GAS7: variants seen among roughly 807,000 people sequenced by gnomAD.
GAS7 encodes growth arrest specific 7, also known as growth arrest-specific protein 7.
Under a neutral mutation model 71.1 loss-of-function variants are expected in GAS7, and 28 were observed. That is an observed-to-expected ratio of 0.39 (90% CI 0.29 to 0.54). GAS7 has a LOEUF of 0.54. Ranked by LOEUF, GAS7 falls within the 20% of genes least tolerant of loss-of-function variation. The probability of loss-of-function intolerance (pLI) is 0.62; values close to 1 mark genes in which losing one functional copy is unlikely to be tolerated. For synonymous variants in GAS7, 258 were observed against 245.8 expected, an observed-to-expected ratio of 1.05 and a Z score of -0.46; for missense variants, 436 against 627.8, an observed-to-expected ratio of 0.69 and a Z score of 3.27.
chr17:9,926,732 C>T lies in GAS7; in HGVS notation c.923G>A (p.Arg308His), dbSNP rs765099165. The T allele has an allele frequency of 1.1e-5, 18 of 1,613,862 alleles. No homozygotes were observed. The East Asian group carries it at 1.6e-4, about 14-fold the overall frequency. The change falls in exon 10 of 14, where the codon CGT becomes CAT. Residue 308 changes from arginine to histidine, a missense_variant. By Grantham distance (29) the Arg-to-His change is conservative. Coordinates refer to ENST00000432992, the MANE Select transcript of GAS7 (RefSeq NM_201433.2). This position sits in a 1 kb window ranked among gnomAD's most constrained non-coding sequence, Gnocchi z 5.0. ...CTTCATGTCTTTCTTGAAGTTCTCACGGAAGTTCATCAGGGGCTTCTCCAC... is the reference window on the plus strand; with the variant it reads ...CTTCATGTCTTTCTTGAAGTTCTCATGGAAGTTCATCAGGGGCTTCTCCAC... ...SEVEKPLMNF[R>H]ENFKKDMKKC...
intron 1 of GAS7, among the ~76,000 whole-genome samples, chr17:10,130,258 T>C (rs2073986266): frequency 6.7e-6 from 1 of 148,218 alleles, no homozygotes; most frequent in South Asian, 2.1e-4. Context: ...CCAACACCAG[T>C]AGTCTTCAGG....
At chr17:10,189,039 T>C (rs1161715523) in intron 1 of GAS7, among the ~76,000 whole-genome samples, 1 of 152,260 alleles carries the variant, frequency 6.6e-6, no homozygotes, top group Admixed American at 6.5e-5. Flanking sequence ...TTTTAATTTA[T>C]AAAAGCACTT....
At chr17:10,075,170 A>G (rs561736513) in intron 1 of GAS7, among the ~76,000 whole-genome samples, 1 of 152,134 alleles carries the variant, frequency 6.6e-6, no homozygotes, top group African/African-American at 2.4e-5. Context: ...AGCCTGACCA[A>G]CATGGTGAAA....
chr17:9,990,114 A>G (rs1326263731), intron 2 of GAS7, among the ~76,000 whole-genome samples: 3 of 152,008 alleles, frequency 2.0e-5, no homozygotes, highest in African/African-American at 7.2e-5. Flanking sequence ...CTAAAAATAC[A>G]AAAAATTAGC....
intron 2 of GAS7, among the ~76,000 whole-genome samples, chr17:9,992,626 T>C (rs1473291661): frequency 5.3e-5 from 8 of 151,774 alleles, no homozygotes; most frequent in Non-Finnish European, 8.8e-5. Context: ...TATTATACTT[T>C]AAGTTTTAGG....
At chr17:9,973,053 G>T (rs149692833) in intron 3 of GAS7, among the ~76,000 whole-genome samples, 1 of 152,192 alleles carries the variant, frequency 6.6e-6, no homozygotes, top group East Asian at 1.9e-4. Context: ...AAAGAAAACA[G>T]GAGAACGGAA....
intron 1 of GAS7, among the ~76,000 whole-genome samples, chr17:10,044,564 C>T (rs984126039): frequency 1.8e-4 from 27 of 151,990 alleles, no homozygotes; most frequent in Non-Finnish European, 2.8e-4. Flanking sequence ...AAACTAGTAT[C>T]GAATATATTT....
intron 1 of GAS7, among the ~76,000 whole-genome samples, chr17:10,040,595 C>T (rs1001618233): frequency 4.0e-5 from 6 of 148,738 alleles, no homozygotes; most frequent in South Asian, 2.3e-4. Context: ...CTCTCTCCCC[C>T]CTCTCACCCA....
intron 1 of GAS7, among the ~76,000 whole-genome samples, chr17:10,101,108 C>CA (rs3076187): frequency 0.45 from 68,997 of 151,678 alleles, 15,936 homozygotes; most frequent in East Asian, 0.56. Context: ...ATCTCAAAAA[C>CA]AAAAAAAACC....
At chr17:10,128,859 G>A (rs538946120) in intron 1 of GAS7, among the ~76,000 whole-genome samples, 34 of 151,358 alleles carry the variant, frequency 2.2e-4, no homozygotes, top group East Asian at 2.0e-3. Flanking sequence ...GACCTCCCTC[G>A]TGATCTGCCC....
Position 9,940,155 on chromosome 17 carries a change from A to G in GAS7, c.777T>C (p.Ser259=), listed in dbSNP as rs767269173. The G allele has an allele frequency of 6.2e-7, 1 of 1,610,268 alleles. No homozygotes were observed. The highest frequency in any genetic ancestry group is 1.7e-5 in the Admixed American group (1 of 60,024). Residue 259 remains serine (S), a synonymous_variant, in exon 8 of 14, where the codon TCT becomes TCC. Transcript: ENST00000432992. Reference sequence around the variant, plus strand: ...CCTCCTGTGAAGCCAAGGAGTTCTGAGAGAGCTTAGCTAAGTTCTTCGCAT... The same window carrying G: ...CCTCCTGTGAAGCCAAGGAGTTCTGGGAGAGCTTAGCTAAGTTCTTCGCAT... ...EDYAKNLAKL[S]QNSLASQEEG... is the part of the protein sequence containing the mutation.
At chr17:9,940,337 C>A in intron 7 of GAS7, 137 bp from the exon 8 acceptor site, 1 of 717,432 alleles carries the variant, frequency 1.4e-6, no homozygotes. Flanking sequence ...TCTTGTCTGT[C>A]TACCTGACAT....
intron 7 of GAS7, among the ~76,000 whole-genome samples, chr17:9,941,578 C>T (rs1209921256): frequency 6.6e-6 from 1 of 152,222 alleles, no homozygotes; most frequent in East Asian, 1.9e-4. Context: ...TATGAGATCC[C>T]AAGGTGGATG....
rs2074496089 is a variant in GAS7, at chr17:10,191,158, A to T, written c.183+7050T>A. On this transcript the variant is annotated intron_variant, in intron 1 of 13. Transcript: ENST00000432992. ...CCATTGTACTCCAGCCTGGGCAACG[A>T]GAGCGGAACTCCGTCTCAAAAAAAA... Among the ~76,000 whole-genome samples the T allele has an allele frequency of 3.5e-5, 5 of 143,376 alleles. No individual in the cohort carries two copies. The South Asian group carries it at 9.1e-4, about 26-fold the overall frequency. 94.1% of individuals were successfully genotyped at this position (143,376 alleles called of 152,430 possible). A position where few individuals can be genotyped will look rare whatever the true frequency, so the allele number is the denominator to read the frequency against.
At position 9,919,467 on chromosome 17, in the gene GAS7, G is replaced by A. The variant is rs1230316060; in HGVS notation, c.1218+159C>T. 6.6e-6 allele frequency among the ~76,000 whole-genome samples: 1 copy of A among 152,048 alleles called. No individual in the cohort carries two copies. Among genetic ancestry groups the A allele is most frequent in the Non-Finnish European group, 1.5e-5 (1 of 68,022 alleles). ...GGAGCAGAGATCTGAATCCACATAA[G>A]CTGGCTCACATTGAGGTTTCGACCC... On this transcript the variant is annotated intron_variant, in intron 12 of 13. Coordinates refer to ENST00000432992, the MANE Select transcript of GAS7 (RefSeq NM_201433.2). This position sits in a 1 kb window ranked among gnomAD's most constrained non-coding sequence, Gnocchi z 5.0.
chr17:9,948,049 G>T (rs1338228700), intron 5 of GAS7, among the ~76,000 whole-genome samples: 1 of 152,146 alleles, frequency 6.6e-6, no homozygotes, highest in Non-Finnish European at 1.5e-5. Context: ...TTACTTTACT[G>T]TAAGAATACA....
intron 1 of GAS7, among the ~76,000 whole-genome samples, chr17:10,148,766 T>C (rs1003064397): frequency 8.0e-5 from 12 of 149,746 alleles, no homozygotes; most frequent in Non-Finnish European, 1.6e-4. Context: ...AAGAATTAGC[T>C]GGGCATGGTG....
intron 1 of GAS7, among the ~76,000 whole-genome samples, chr17:10,078,089 GTTT>G (rs2073416722): frequency 1.3e-5 from 2 of 149,336 alleles, no homozygotes; most frequent in East Asian, 1.9e-4. Context: ...GTTTTGTTTT[GTTT>G]TGTTTTGTTT....
In GAS7 at chr17:9,969,746, T is replaced by A. The variant is rs1016012321; in HGVS notation, c.402A>T (p.Ala134=). The change falls in exon 4 of 14, where the codon GCA becomes GCT. Residue 134 remains alanine, a synonymous_variant. Transcript: ENST00000432992. This position sits in a 1 kb window ranked among gnomAD's most constrained non-coding sequence, Gnocchi z 5.5. ...SLPPTVNGYH[A]SGTPAHPPET... is the part of the protein sequence containing the mutation. ...CTGGAGGGTGCGCTGGGGTCCCTGA[T>A]GCGTGGTATCCATTCACTGCAGGGA... 3 of 1,609,934 alleles carry A rather than the reference T, an allele frequency of 1.9e-6. No homozygotes were observed. Among genetic ancestry groups the A allele is most frequent in the Non-Finnish European group, 2.6e-6 (3 of 1,176,156 alleles).
Sources: allele counts gnomAD v4.1 joint callset (sites outside exome capture counted in the v4.1 genomes callset), GRCh38; gene constraint gnomAD v4.1.1; non-coding constraint Gnocchi (gnomAD v3.1); transcripts MANE v1.5; gene names NCBI Gene and HGNC (gene_info 2026-07-23, HGNC 2026-07-21).